Variants in BMPR1B observed in about 807,000 individuals in gnomAD.
The protein encoded by BMPR1B is bone morphogenetic protein receptor type 1B, also known as bone morphogenetic protein receptor type-1B.
BMPR1B carries 12 observed loss-of-function variants against 59.1 expected under a neutral mutation model. That is an observed-to-expected ratio of 0.20 (90% CI 0.13 to 0.33). The LOEUF is 0.33. BMPR1B is among the 10% of genes least tolerant of loss of function. The probability of loss-of-function intolerance (pLI) is 1.00; values close to 1 mark genes in which losing one functional copy is unlikely to be tolerated. For missense variants in BMPR1B, 550 were observed against 610.9 expected (o/e 0.90, Z 1.05); for synonymous variants, 237 against 207.3 (o/e 1.14, Z -1.23).
intron 2 of BMPR1B, among the ~76,000 whole-genome samples, chr4:94,946,271 AT>A (rs1490277713): frequency 1.3e-5 from 2 of 152,206 alleles, no homozygotes; most frequent in African/African-American, 4.8e-5. Flanking sequence ...GTTTGGTAAC[AT>A]TCAAGAATAT....
intron 1 of BMPR1B, among the ~76,000 whole-genome samples, chr4:94,787,492 G>A (rs985606658): frequency 2.0e-5 from 3 of 152,198 alleles, no homozygotes; most frequent in African/African-American, 7.2e-5. Flanking sequence ...AGGACAGTGA[G>A]AGGAGTCGAA....
chr4:95,148,248 A>T (rs1010450604), intron 10 of BMPR1B, among the ~76,000 whole-genome samples: 1 of 152,218 alleles, frequency 6.6e-6, no homozygotes, highest in Non-Finnish European at 1.5e-5. Flanking sequence ...TCATGTGTGC[A>T]TGCCCATTTT....
chr4:94,818,850 G>C (rs968418240), intron 1 of BMPR1B, among the ~76,000 whole-genome samples: 7 of 152,316 alleles, frequency 4.6e-5, no homozygotes, highest in African/African-American at 1.4e-4. Flanking sequence ...TTCTCTTATA[G>C]GCTAGGTGTG....
chr4:94,808,296 G>A (rs1441607003), intron 1 of BMPR1B, among the ~76,000 whole-genome samples: 2 of 152,074 alleles, frequency 1.3e-5, no homozygotes, highest in Non-Finnish European at 2.9e-5. Context: ...AAAACAACTG[G>A]TAGTTTTTAG....
intron 1 of BMPR1B, among the ~76,000 whole-genome samples, chr4:94,873,802 A>G (rs1201120865): frequency 2.0e-5 from 3 of 152,226 alleles, no homozygotes; most frequent in East Asian, 1.9e-4. Flanking sequence ...AAAATTTACT[A>G]TCTTAACCAT....
At chr4:94,836,219 T>C (rs1724812050) in intron 1 of BMPR1B, among the ~76,000 whole-genome samples, 1 of 151,300 alleles carries the variant, frequency 6.6e-6, no homozygotes, top group Non-Finnish European at 1.5e-5. Flanking sequence ...GCAATAAACA[T>C]ACATGTGCAT....
At chr4:95,023,241 C>T (rs1198213485) in intron 3 of BMPR1B, among the ~76,000 whole-genome samples, 1 of 152,188 alleles carries the variant, frequency 6.6e-6, no homozygotes, top group Non-Finnish European at 1.5e-5. Context: ...TCCCATACAA[C>T]ACATGCCTGC....
chr4:95,084,758 G>A (rs888122555), intron 3 of BMPR1B, among the ~76,000 whole-genome samples: 3 of 152,172 alleles, frequency 2.0e-5, no homozygotes, highest in Admixed American at 2.0e-4. Context: ...GTTTGTCTAA[G>A]TCTTTTCCAT....
intron 3 of BMPR1B, among the ~76,000 whole-genome samples, chr4:95,002,072 A>T (rs1722488697): frequency 6.6e-6 from 1 of 152,086 alleles, no homozygotes; most frequent in Admixed American, 6.6e-5. Context: ...AATACAAATG[A>T]TCCCATCATC....
In BMPR1B at chr4:94,794,268, A is replaced by T. The variant is rs1190533987; in HGVS notation, c.-183+36200A>T. ...CCAGTTTTCCCAGCACCATTTATTA[A>T]ATAGGGAATCCTTTCCCCATTGCTT... is the stretch of plus-strand genomic sequence containing the variant. On this transcript the variant is annotated intron_variant, in intron 1 of 12. Coordinates refer to ENST00000515059, the MANE Select transcript of BMPR1B (RefSeq NM_001203.3). Among the ~76,000 whole-genome samples, 7 of 148,794 alleles carry T rather than the reference A, an allele frequency of 4.7e-5. No homozygotes were observed. In the South Asian group the frequency reaches 1.5e-3, roughly 32 times the overall value.
intron 2 of BMPR1B, among the ~76,000 whole-genome samples, chr4:94,921,460 G>T (rs1367999777): frequency 6.6e-6 from 1 of 152,060 alleles, no homozygotes; most frequent in Non-Finnish European, 1.5e-5. Context: ...TTTTGGAGAG[G>T]CCTCAGGGAG....
At chr4:94,805,587 C>T (rs1049792238) in intron 1 of BMPR1B, among the ~76,000 whole-genome samples, 2 of 152,194 alleles carry the variant, frequency 1.3e-5, no homozygotes, top group South Asian at 2.1e-4. Context: ...GAATTTATAA[C>T]GTATTTATAA....
chr4:95,153,893 TTG>T (rs1407003753), intron 12 of BMPR1B, among the ~76,000 whole-genome samples: 1 of 152,170 alleles, frequency 6.6e-6, no homozygotes, highest in Non-Finnish European at 1.5e-5. Context: ...CTCATTGGTT[TTG>T]TGTCTGGTTA....
At chr4:94,883,988 C>T (rs1346003426) in intron 2 of BMPR1B, among the ~76,000 whole-genome samples, 1 of 152,156 alleles carries the variant, frequency 6.6e-6, no homozygotes, top group Non-Finnish European at 1.5e-5. Flanking sequence ...CTGTCAGTAC[C>T]TTGATCCAAG....
chr4:94,979,216 A>G (rs949284969), intron 2 of BMPR1B, among the ~76,000 whole-genome samples: 36 of 152,198 alleles, frequency 2.4e-4, no homozygotes, highest in African/African-American at 8.7e-4. Flanking sequence ...AAACCATATC[A>G]CCATCTTTGC....
intron 2 of BMPR1B, among the ~76,000 whole-genome samples, chr4:94,904,418 T>G (rs1485035690): frequency 1.3e-5 from 2 of 152,056 alleles, no homozygotes. Context: ...TATATTAATG[T>G]GATAGCAGAT....
At chr4:94,923,466 GTT>G (rs1728777715) in intron 2 of BMPR1B, among the ~76,000 whole-genome samples, 3 of 152,118 alleles carry the variant, frequency 2.0e-5, no homozygotes, top group South Asian at 4.1e-4. Context: ...GGTGTATCTG[GTT>G]TAGAGACTAC....
chr4:94,808,824 A>G (rs968859288), intron 1 of BMPR1B, among the ~76,000 whole-genome samples: 5 of 152,188 alleles, frequency 3.3e-5, no homozygotes, highest in Non-Finnish European at 5.9e-5. Context: ...TGGGAGGCCA[A>G]GGCGGGCGGA....
chr4:94,826,006 T>C (rs1724369093), intron 1 of BMPR1B, among the ~76,000 whole-genome samples: 1 of 152,208 alleles, frequency 6.6e-6, no homozygotes, highest in Non-Finnish European at 1.5e-5. Context: ...CCATTGGTTA[T>C]TGGAACAGGA....
Sources: gnomAD v4.1 joint callset for allele counts (sites outside exome capture counted in the v4.1 genomes callset) on GRCh38, gnomAD v4.1.1 for gene constraint, MANE v1.5 for transcripts, NCBI Gene and HGNC (gene_info 2026-07-23, HGNC 2026-07-21) for gene names.